LIMA1: variants seen among roughly 807,000 people sequenced by gnomAD.
LIMA1 encodes the protein LIM domain and actin binding 1, also known as LIM domain and actin-binding protein 1.
In LIMA1, 52 loss-of-function variants were observed where a neutral mutation model predicts 62.6. The observed-to-expected ratio is 0.83, with a 90% CI of 0.67 to 1.05. The LOEUF is 1.05. LIMA1 is among the 50% of genes least tolerant of loss of function. LIMA1 has a pLI of 0.00. For synonymous variants in LIMA1, 302 were observed against 317.8 expected, an observed-to-expected ratio of 0.95 and a Z score of 0.53; for missense variants, 780 against 902.2, an observed-to-expected ratio of 0.86 and a Z score of 1.74.
intron 1 of LIMA1, among the ~76,000 whole-genome samples, chr12:50,276,918 T>G (rs1942282249): frequency 6.6e-6 from 1 of 151,738 alleles, no homozygotes; most frequent in African/African-American, 2.4e-5. Flanking sequence ...TATACAAAAT[T>G]AAAAGGCAAA....
chr12:50,231,211 C>T (rs1941606575), intron 3 of LIMA1, among the ~76,000 whole-genome samples: 1 of 152,248 alleles, frequency 6.6e-6, no homozygotes, highest in Non-Finnish European at 1.5e-5. Context: ...TTGGTAGATC[C>T]TGCAGCTAGG....
intron 4 of LIMA1, chr12:50,220,661 C>G (rs1243459353): frequency 6.6e-6 from 1 of 152,162 alleles, no homozygotes; most frequent in Non-Finnish European, 1.5e-5. Flanking sequence ...AACAAAACCC[C>G]TTCCTCTCTA....
intron 4 of LIMA1, among the ~76,000 whole-genome samples, chr12:50,215,369 G>A (rs150290069): frequency 1.2e-3 from 188 of 152,294 alleles, no homozygotes; most frequent in African/African-American, 4.3e-3. Context: ...TCTACGGGGA[G>A]AGGTCACAAA....
At chr12:50,230,938 G>A (rs1016122418) in intron 3 of LIMA1, among the ~76,000 whole-genome samples, 1 of 152,082 alleles carries the variant, frequency 6.6e-6, no homozygotes, top group African/African-American at 2.4e-5. Context: ...ATGAAGCCAA[G>A]GACCTTAGCC....
At position 50,192,424 on chromosome 12, in the gene LIMA1, AAGGCTCAG is replaced by A; in HGVS notation, c.1140+20_1140+27del. 2.8e-6 allele frequency: 4 copies of A among 1,437,306 alleles called. No individual in the cohort carries two copies. Among genetic ancestry groups the A allele is most frequent in the Non-Finnish European group, 3.9e-6 (4 of 1,019,090 alleles). 89.0% of individuals were successfully genotyped at this position (1,437,306 alleles called of 1,614,324 possible). Reference sequence around the variant, plus strand: ...AGCTCTACCAGTAGACCAATGTCCAAAGGCTCAGAGAGAAATTGCCATCATACCTTCAT... The same window carrying A: ...AGCTCTACCAGTAGACCAATGTCCAAAGAGAAATTGCCATCATACCTTCAT... On this transcript the variant is annotated intron_variant, in intron 9 of 10. Coordinates refer to ENST00000341247, the MANE Select transcript of LIMA1 (RefSeq NM_016357.5).
intron 4 of LIMA1, among the ~76,000 whole-genome samples, chr12:50,214,051 C>CACACACACACACACACACACACACAT (rs55904917): frequency 8.5e-4 from 127 of 149,968 alleles, no homozygotes; most frequent in African/African-American, 2.7e-3. Flanking sequence ...CACACACACA[C>CACACACACACACACACACACACACAT]GAGATTACTC....
intron 8 of LIMA1, among the ~76,000 whole-genome samples, chr12:50,195,145 G>A (rs538211792): frequency 1.3e-5 from 2 of 152,230 alleles, no homozygotes; most frequent in East Asian, 1.9e-4. Flanking sequence ...TGAGGCTGCA[G>A]TGAGCTATGA....
rs570664742 is a variant in LIMA1, at chr12:50,243,467, G to A, written c.119+5166C>T. ...AGTCTACAGCCATACCACCCTCAACGCGCCTGATCTCAACTGATCTCGGAA... is the reference window on the plus strand; with the variant it reads ...AGTCTACAGCCATACCACCCTCAACACGCCTGATCTCAACTGATCTCGGAA... On this transcript the variant is annotated intron_variant, in intron 2 of 10. Transcript: ENST00000341247. 2.6e-5 allele frequency among the ~76,000 whole-genome samples: 4 copies of A among 152,244 alleles called. No individual in the cohort carries two copies. In the South Asian group the frequency reaches 8.3e-4, roughly 32 times the overall value.
intron 9 of LIMA1, chr12:50,185,887 T>C (rs760175246): frequency 6.1e-6 from 1 of 163,264 alleles, no homozygotes; most frequent in Non-Finnish European, 1.4e-5. Context: ...AGTCCCATTA[T>C]TCCTATTCAT....
At chr12:50,228,104 C>T (rs548773132) in intron 3 of LIMA1, among the ~76,000 whole-genome samples, 11 of 152,136 alleles carry the variant, frequency 7.2e-5, no homozygotes, top group African/African-American at 2.2e-4. Flanking sequence ...GTGATCCGCC[C>T]GCCTCGGCCT....
Position 50,210,418 on chromosome 12 carries a change from C to CAAA in LIMA1, c.631-4353_631-4351dup, listed in dbSNP as rs769288381. On this transcript the variant is annotated intron_variant, in intron 4 of 10. Coordinates refer to ENST00000341247, the MANE Select transcript of LIMA1 (RefSeq NM_016357.5). ...GGGCAACAGAGCAAGACCCCATTTC[C>CAAA]AAAAAAAAAAAAAAAAAGAAAAAAA... Among the ~76,000 whole-genome samples the CAAA allele has an allele frequency of 7.5e-3, 680 of 90,796 alleles. 17 individuals carry two copies. Among genetic ancestry groups the CAAA allele is most frequent in the African/African-American group, 0.025 (627 of 25,522 alleles). 59.6% of individuals were successfully genotyped at this position (90,796 alleles called of 152,430 possible).
chr12:50,224,729 CTATTT>C (rs1277758408), intron 3 of LIMA1, among the ~76,000 whole-genome samples: 1 of 152,002 alleles, frequency 6.6e-6, no homozygotes, highest in Non-Finnish European at 1.5e-5. Context: ...CAGCATGATC[CTATTT>C]TAATTTTTTT....
intron 7 of LIMA1, among the ~76,000 whole-genome samples, chr12:50,197,627 C>G (rs1940959619): frequency 6.6e-6 from 1 of 152,116 alleles, no homozygotes. Flanking sequence ...TTCTAATCTT[C>G]CAGTTCAGTT....
At position 50,222,125 on chromosome 12, in the gene LIMA1, C is replaced by T. The variant is rs1173956500; in HGVS notation, c.526G>A (p.Glu176Lys). ...GESRHEVEKS[E>K]ISENTDASGK... is the part of the protein sequence containing the mutation. ...GAAGCATCTGTGTTTTCACTGATTTCTGATTTTTCTACTTCATGCCTGGAT... is the reference window on the plus strand; with the variant it reads ...GAAGCATCTGTGTTTTCACTGATTTTTGATTTTTCTACTTCATGCCTGGAT... The change falls in exon 4 of 11, where the codon GAA (glutamate) becomes AAA (lysine). Residue 176 changes from glutamate to lysine, a missense_variant. Coordinates refer to ENST00000341247, the MANE Select transcript of LIMA1 (RefSeq NM_016357.5). 6.2e-7 allele frequency: 1 copy of T among 1,614,014 alleles called. No individual in the cohort carries two copies. Among genetic ancestry groups the T allele is most frequent in the Non-Finnish European group, 8.5e-7 (1 of 1,180,014 alleles).
At chr12:50,191,548 G>A (rs1043941727) in intron 9 of LIMA1, among the ~76,000 whole-genome samples, 3 of 151,796 alleles carry the variant, frequency 2.0e-5, no homozygotes, top group African/African-American at 7.3e-5. Flanking sequence ...CAGGCCAGGC[G>A]CAGTGGTTCA....
chr12:50,191,346 C>CA (rs1444290409), intron 9 of LIMA1: 6 of 113,488 alleles, frequency 5.3e-5, no homozygotes, highest in Non-Finnish European at 8.7e-5. Flanking sequence ...GGAAACATGG[C>CA]AAAATCACAT....
At chr12:50,196,805 CTCTCTTCATTACAGGAAT>C (rs1265813720) in intron 7 of LIMA1, among the ~76,000 whole-genome samples, 1 of 152,186 alleles carries the variant, frequency 6.6e-6, no homozygotes, top group Non-Finnish European at 1.5e-5. Flanking sequence ...TTTTCCACTA[CTCTCTTCATTACAGGAAT>C]TCTGACATGG....
At chr12:50,182,155 G>T in intron 9 of LIMA1, 118 bp from the exon 10 acceptor site, 1 of 1,100,040 alleles carries the variant, frequency 9.1e-7, no homozygotes, top group Non-Finnish European at 1.3e-6. Flanking sequence ...CAATTCTCAT[G>T]GAGCACTAAA....
At chr12:50,244,535 A>C (rs1288773689) in intron 2 of LIMA1, among the ~76,000 whole-genome samples, 1 of 152,166 alleles carries the variant, frequency 6.6e-6, no homozygotes, top group Non-Finnish European at 1.5e-5. Flanking sequence ...CAGCGTGCCC[A>C]GCCAAAATAG....
Sources: gnomAD v4.1 joint callset for allele counts (sites outside exome capture counted in the v4.1 genomes callset) on GRCh38, gnomAD v4.1.1 for gene constraint, MANE v1.5 for transcripts, NCBI Gene and HGNC (gene_info 2026-07-23, HGNC 2026-07-21) for gene names.